Variants in DST observed in about 807,000 individuals in gnomAD.
The protein encoded by DST is bullous pemphigoid antigen.
In DST, 253 loss-of-function variants were observed where a neutral mutation model predicts 875.2. The ratio of observed to expected loss-of-function variants is 0.29; its 90% CI spans 0.26 to 0.32. The LOEUF (loss-of-function observed/expected upper bound fraction) is 0.32, where lower values mean the gene tolerates loss of function less well. Among genes scored for constraint, DST ranks in the 10% least tolerant of loss-of-function variants. The pLI, the probability that DST is intolerant of heterozygous loss-of-function variation, is 1.00. For synonymous variants in DST, 3,124 were observed against 3,197.1 expected, an observed-to-expected ratio of 0.98 and a Z score of 0.77; for missense variants, 8,287 against 9,111.6, an observed-to-expected ratio of 0.91 and a Z score of 3.68.
At chr6:56,699,226 T>G (rs2099279717) in intron 9 of DST, among the ~76,000 whole-genome samples, 1 of 152,204 alleles carries the variant, frequency 6.6e-6, no homozygotes, top group Admixed American at 6.5e-5. Flanking sequence ...TCTTCACATC[T>G]CTTTATAATT....
At chr6:56,821,950 A>G (rs75239335) in intron 4 of DST, among the ~76,000 whole-genome samples, 3,791 of 151,988 alleles carry the variant, frequency 0.025, 176 homozygotes, top group African/African-American at 0.086. Context: ...GACTTTCATC[A>G]AAGTCTTTAA....
intron 4 of DST, among the ~76,000 whole-genome samples, chr6:56,764,983 GAGGGAGGGAGGGAGGA>G (rs1166720126): frequency 1.1e-4 from 14 of 130,216 alleles, no homozygotes; most frequent in African/African-American, 4.7e-4. Flanking sequence ...GGGAGGGAGG[GAGGGAGGGAGGGAGGA>G]AGGGAGGGAG....
intron 2 of DST, among the ~76,000 whole-genome samples, chr6:56,939,956 G>C (rs574282917): frequency 6.6e-6 from 1 of 152,032 alleles, no homozygotes; most frequent in Admixed American, 6.5e-5. Flanking sequence ...AACCAGGGAG[G>C]TGGAGGTTGC....
At chr6:56,652,998 A>T (rs1231424699) in intron 10 of DST, among the ~76,000 whole-genome samples, 4 of 152,246 alleles carry the variant, frequency 2.6e-5, no homozygotes, top group Non-Finnish European at 4.4e-5. Flanking sequence ...TCAATAAAAA[A>T]TCGTTTTGTT....
intron 49 of DST, among the ~76,000 whole-genome samples, chr6:56,589,629 C>T (rs1744999440): frequency 6.6e-6 from 1 of 152,206 alleles, no homozygotes; most frequent in Non-Finnish European, 1.5e-5. Flanking sequence ...TCAATGCAAT[C>T]CCCATTGCTG....
At chr6:56,719,526 T>G (rs116694819) in intron 5 of DST, among the ~76,000 whole-genome samples, 2,316 of 152,328 alleles carry the variant, frequency 0.015, 56 homozygotes, top group African/African-American at 0.052. Flanking sequence ...GGCTTTAACC[T>G]TGACACACAC....
intron 5 of DST, among the ~76,000 whole-genome samples, chr6:56,731,636 G>A (rs2099498856): frequency 6.6e-6 from 1 of 152,080 alleles, no homozygotes; most frequent in African/African-American, 2.4e-5. Context: ...CTGGCCTAAT[G>A]CTCCTGATTC....
chr6:56,722,445 G>A (rs2099423457), intron 5 of DST, among the ~76,000 whole-genome samples: 1 of 152,164 alleles, frequency 6.6e-6, no homozygotes, highest in African/African-American at 2.4e-5. Flanking sequence ...GTGCAGTGGT[G>A]CAATCTCGGC....
At chr6:56,939,966 C>A (rs1184345721) in intron 2 of DST, among the ~76,000 whole-genome samples, 3 of 151,684 alleles carry the variant, frequency 2.0e-5, no homozygotes, top group African/African-American at 7.3e-5. Flanking sequence ...GTGGAGGTTG[C>A]AGTGAGCCGA....
At chr6:56,515,392 A>G in intron 72 of DST, 58 bp downstream of exon 72, 1 of 1,571,092 alleles carries the variant, frequency 6.4e-7, no homozygotes, top group Non-Finnish European at 8.7e-7. Context: ...AAACCACCAT[A>G]AAAATCATGA....
chr6:56,865,689 T>C (rs746946411), intron 3 of DST, among the ~76,000 whole-genome samples: 31 of 152,056 alleles, frequency 2.0e-4, no homozygotes, highest in Middle Eastern at 6.8e-3. Flanking sequence ...AGCTCATTAC[T>C]GCTCTGTTGA....
intron 5 of DST, among the ~76,000 whole-genome samples, chr6:56,722,775 G>T (rs2152914937): frequency 6.6e-6 from 1 of 152,308 alleles, no homozygotes; most frequent in South Asian, 2.1e-4. Context: ...GGCTATAAAG[G>T]TAAGTAAATA....
chr6:56,631,451 A>T, intron 29 of DST, 62 bp from the exon 30 acceptor site: 5 of 1,359,154 alleles, frequency 3.7e-6, no homozygotes, highest in Non-Finnish European at 4.2e-6. Context: ...GTTTTTCTTA[A>T]ACTAGTTGAA....
At chr6:56,873,124 T>G (rs571448493) in intron 3 of DST, among the ~76,000 whole-genome samples, 1 of 152,362 alleles carries the variant, frequency 6.6e-6, no homozygotes, top group East Asian at 1.9e-4. Context: ...ATATACCTGT[T>G]CGTCATTTGT....
Position 56,593,695 on chromosome 6 carries a change from C to T in DST, c.12694G>A (p.Ala4232Thr). 6.2e-7 allele frequency: 1 copy of T among 1,609,288 alleles called. No homozygotes were observed. Reference protein sequence around the residue: ...HREVQRKLDHATDRFRSLYSK... With the variant: ...HREVQRKLDHTTDRFRSLYSK... ...TAGAGAGACCTGAACCGATCAGTAG[C>T]ATGATCCAACTTGCGCTGCACTTCT... The change falls in exon 48 of 104, where the codon GCT becomes ACT. Residue 4232 changes from alanine to threonine, a missense_variant. By Grantham distance (58) the Ala-to-Thr change is moderately conservative. Coordinates refer to ENST00000680361, the MANE Select transcript of DST (RefSeq NM_001374736.1).
At chr6:56,540,244 T>G (rs1345998165) in intron 61 of DST, 2 of 152,620 alleles carry the variant, frequency 1.3e-5, no homozygotes, top group Non-Finnish European at 2.9e-5. Flanking sequence ...ACCGCAAACT[T>G]TTGACACTGC....
chr6:56,954,396 G>A lies in DST; in HGVS notation c.181+11C>T. The A allele has an allele frequency of 7.3e-7, 1 of 1,364,086 alleles. No individual in the cohort carries two copies. The highest frequency in any genetic ancestry group is 1.5e-5 in the African/African-American group (1 of 67,772). 84.5% of individuals were successfully genotyped at this position (1,364,086 alleles called of 1,614,324 possible). A position where few individuals can be genotyped will look rare whatever the true frequency, so the allele number is the denominator to read the frequency against. ...TGGTAGCCCGCAGAAACCCGTCGCG[G>A]CGTGTCTTACCTCGGCTTCTTGAAC... On this transcript the variant is annotated intron_variant, in intron 1 of 103. Transcript: ENST00000680361.
At chr6:56,786,936 C>G (rs768801135) in intron 4 of DST, among the ~76,000 whole-genome samples, 1 of 152,134 alleles carries the variant, frequency 6.6e-6, no homozygotes, top group African/African-American at 2.4e-5. Context: ...AATGTGGTTC[C>G]TTTTTAAAAT....
At chr6:56,891,349 G>C (rs936399017) in intron 3 of DST, among the ~76,000 whole-genome samples, 2 of 151,972 alleles carry the variant, frequency 1.3e-5, no homozygotes, top group African/African-American at 4.8e-5. Context: ...CTTGAGCCCA[G>C]GAGTTCAAGA....
Sources: allele counts gnomAD v4.1 joint callset (sites outside exome capture counted in the v4.1 genomes callset), GRCh38; gene constraint gnomAD v4.1.1; transcripts MANE v1.5; gene names NCBI Gene and HGNC (gene_info 2026-07-23, HGNC 2026-07-21).